PPP2R1B: variants seen among roughly 807,000 people sequenced by gnomAD.
PPP2R1B encodes serine/threonine-protein phosphatase 2A 65 kDa regulatory subunit A beta isoform.
Under a neutral mutation model 72.7 loss-of-function variants are expected in PPP2R1B, and 58 were observed. The observed-to-expected ratio is 0.80, with a 90% CI of 0.65 to 0.99. PPP2R1B has a LOEUF of 0.99. PPP2R1B is among the 50% of genes least tolerant of loss of function. The pLI is 0.00. For missense variants in PPP2R1B, 695 were observed against 733.6 expected (o/e 0.95, Z 0.61); for synonymous variants, 256 against 264.6 (o/e 0.97, Z 0.32).
the PPP2R1B span, chr11:111,720,667 T>C: frequency 6.2e-7 from 1 of 1,613,924 alleles, no homozygotes; most frequent in Middle Eastern, 1.6e-4. Context: ...AACCCAGCCA[T>C]GCAGGCTCTG....
chr11:111,716,397 C>A, the PPP2R1B span, among the ~76,000 whole-genome samples: 1 of 148,002 alleles, frequency 6.8e-6, no homozygotes, highest in South Asian at 2.2e-4. Flanking sequence ...GCCAACATGG[C>A]AAAACCCCAA....
the PPP2R1B span, among the ~76,000 whole-genome samples, chr11:111,691,399 T>G: frequency 6.6e-6 from 1 of 152,186 alleles, no homozygotes; most frequent in Non-Finnish European, 1.5e-5. Flanking sequence ...GGGAGCCGCT[T>G]AGCTATTGCC....
the PPP2R1B span, among the ~76,000 whole-genome samples, chr11:111,698,266 C>A: frequency 6.6e-6 from 1 of 152,190 alleles, no homozygotes; most frequent in South Asian, 2.1e-4. Flanking sequence ...TACCACGGGT[C>A]CAGAGAAGTG....
At position 111,741,209 on chromosome 11, in the gene PPP2R1B, T is replaced by A; in HGVS notation, c.*387A>T. The A allele has an allele frequency of 9.8e-7, 1 of 1,019,792 alleles. No homozygotes were observed. The highest frequency in any genetic ancestry group is 1.7e-5 in the African/African-American group (1 of 58,396). 63.2% of individuals were successfully genotyped at this position (1,019,792 alleles called of 1,614,324 possible). ...AATGATGGAGAGACACAGAGATATATGTAAACGTCAAGAGAATCACTCCAC... is the reference window on the plus strand; with the variant it reads ...AATGATGGAGAGACACAGAGATATAAGTAAACGTCAAGAGAATCACTCCAC... On this transcript the variant is annotated 3_prime_UTR_variant, in exon 15 of 15. Coordinates refer to ENST00000527614, the MANE Select transcript of PPP2R1B (RefSeq NM_002716.5).
intron 15 of PPP2R1B, among the ~76,000 whole-genome samples, chr11:111,732,023 T>G (rs1944209418): frequency 6.6e-6 from 1 of 152,008 alleles, no homozygotes; most frequent in Non-Finnish European, 1.5e-5. Context: ...CCTTTGTGAG[T>G]CGAAGGCTCC....
the PPP2R1B span, among the ~76,000 whole-genome samples, chr11:111,715,293 G>A: frequency 6.6e-6 from 1 of 152,096 alleles, no homozygotes; most frequent in Non-Finnish European, 1.5e-5. Context: ...CTTTCTTGGG[G>A]CCCATAAATA....
intron 10 of PPP2R1B, 80 bp downstream of exon 10, chr11:111,752,079 G>A (rs1591694062): frequency 2.1e-6 from 3 of 1,421,452 alleles, no homozygotes; most frequent in Non-Finnish European, 2.8e-6. Flanking sequence ...AAGCATACAG[G>A]CTACTAGGCC....
downstream of PPP2R1B, among the ~76,000 whole-genome samples, chr11:111,737,727 T>C (rs534961871): frequency 6.6e-6 from 1 of 152,288 alleles, no homozygotes; most frequent in South Asian, 2.1e-4. Context: ...CAGAGAAAGC[T>C]GGGGCAGCCC....
At chr11:111,719,750 G>A in the PPP2R1B span, 1 of 1,601,026 alleles carries the variant, frequency 6.2e-7, no homozygotes, top group African/African-American at 1.3e-5. Context: ...CAGAAACTGA[G>A]TTTCCTCTCT....
At chr11:111,764,982 G>A in intron 2 of PPP2R1B, 77 bp from the exon 3 acceptor site, 10 of 1,563,674 alleles carry the variant, frequency 6.4e-6, no homozygotes, top group Non-Finnish European at 8.6e-6. Context: ...ACTAGGAACA[G>A]ATTCACTATG....
downstream of PPP2R1B, chr11:111,725,906 G>T (rs1943950124): frequency 2.6e-5 from 4 of 152,250 alleles, no homozygotes; most frequent in Non-Finnish European, 5.9e-5. Context: ...AGTGGGAAAG[G>T]GCAGTGTGGG....
chr11:111,758,840 C>T (rs1292670490), intron 5 of PPP2R1B, among the ~76,000 whole-genome samples: 1 of 151,952 alleles, frequency 6.6e-6, no homozygotes, highest in African/African-American at 2.4e-5. Flanking sequence ...TCATTTTGTA[C>T]ATTTATTATT....
intron 5 of PPP2R1B, among the ~76,000 whole-genome samples, chr11:111,757,107 C>CAAA: frequency 6.7e-6 from 1 of 149,478 alleles, no homozygotes. Flanking sequence ...GAGCAAAACT[C>CAAA]CAACTCAAAA....
At chr11:111,732,836 T>C (rs1385737688) in intron 15 of PPP2R1B, among the ~76,000 whole-genome samples, 1 of 152,208 alleles carries the variant, frequency 6.6e-6, no homozygotes, top group African/African-American at 2.4e-5. Flanking sequence ...CTGGGCTTTG[T>C]GCACTAAATC....
rs562085918 is a variant in PPP2R1B at position 111,738,949 on chromosome 11, A to G, written c.*2647T>C. On this transcript the variant is annotated 3_prime_UTR_variant, in exon 15 of 15. Transcript: ENST00000527614. ...GTCTGCTTCATTTTTCTAATCAAAC[A>G]AACAACTGATGTAAGCTGCCAAGGA... The G allele has an allele frequency of 1.6e-4, 161 of 985,264 alleles. No individual in the cohort carries two copies. The African/African-American group carries it at 2.7e-3, about 17-fold the overall frequency. The allele number at this position is 985,264 out of a possible 1,614,324, so 61.0% of individuals were successfully genotyped here. A position where few individuals can be genotyped will look rare whatever the true frequency, so the allele number is the denominator to read the frequency against.
At chr11:111,755,551 T>A (rs1555049388) in intron 5 of PPP2R1B, 101 bp from the exon 6 acceptor site, 1 of 1,057,024 alleles carries the variant, frequency 9.5e-7, no homozygotes, top group Non-Finnish European at 1.3e-6. Context: ...CCACCAAGAC[T>A]GCCACACCTT....
chr11:111,750,761 C>A (rs1324711263), intron 10 of PPP2R1B, among the ~76,000 whole-genome samples: 2 of 152,016 alleles, frequency 1.3e-5, no homozygotes, highest in African/African-American at 4.8e-5. Context: ...GATCACGAAA[C>A]TCAAACAGTA....
At chr11:111,703,060 G>A in the PPP2R1B span, 1 of 662,962 alleles carries the variant, frequency 1.5e-6, no homozygotes, top group African/African-American at 1.8e-5. Context: ...TAGCCTGCAT[G>A]TGTTCATTTA....
At chr11:111,693,120 G>T in the PPP2R1B span, among the ~76,000 whole-genome samples, 1 of 151,926 alleles carries the variant, frequency 6.6e-6, no homozygotes, top group African/African-American at 2.4e-5. Flanking sequence ...GATCACGAGG[G>T]CAGGATTTCG....
Sources: gnomAD v4.1 joint callset for allele counts (sites outside exome capture counted in the v4.1 genomes callset) on GRCh38, gnomAD v4.1.1 for gene constraint, MANE v1.5 for transcripts, NCBI Gene and HGNC (gene_info 2026-07-23, HGNC 2026-07-21) for gene names.